The following UBA6 variants were observed in gnomAD, a reference collection of about 807,000 sequenced individuals.
The protein encoded by UBA6 is ubiquitin like modifier activating enzyme 6.
Under a neutral mutation model 148.3 loss-of-function variants are expected in UBA6, and 87 were observed. That is an observed-to-expected ratio of 0.59 (90% CI 0.49 to 0.70). The LOEUF is 0.70. Among genes scored for constraint, UBA6 ranks in the 30% least tolerant of loss-of-function variants. The probability of loss-of-function intolerance (pLI) is 0.00; values close to 1 mark genes in which losing one functional copy is unlikely to be tolerated. For synonymous variants in UBA6, 376 were observed against 401.0 expected, an observed-to-expected ratio of 0.94 and a Z score of 0.75; for missense variants, 1,186 against 1,241.2, an observed-to-expected ratio of 0.96 and a Z score of 0.67.
rs1295503183 is a variant in UBA6, at chr4:67,618,911, T to G, written c.*86A>C. 3 of 1,344,526 alleles carry G rather than the reference T, an allele frequency of 2.2e-6. No individual in the cohort carries two copies. Among genetic ancestry groups the G allele is most frequent in the Non-Finnish European group, 3.1e-6 (3 of 967,222 alleles). 83.3% of individuals were successfully genotyped at this position (1,344,526 alleles called of 1,614,324 possible). On this transcript the variant is annotated 3_prime_UTR_variant, in exon 33 of 33. Transcript: ENST00000322244. Reference sequence around the variant, plus strand: ...CTTAATGAAAGAGAAATCCATAGTATTATGAACTGATTTTCTTTAGCTTCT... The same window carrying G: ...CTTAATGAAAGAGAAATCCATAGTAGTATGAACTGATTTTCTTTAGCTTCT...
chr4:67,644,665 T>C (rs775426449), intron 17 of UBA6, 33 bp downstream of exon 17: 18 of 1,250,126 alleles, frequency 1.4e-5, no homozygotes, highest in Non-Finnish European at 2.0e-5. Flanking sequence ...AACAGAAATA[T>C]AAACTTTTAA....
chr4:67,623,905 T>G (rs1728807164), intron 30 of UBA6, among the ~76,000 whole-genome samples: 1 of 152,104 alleles, frequency 6.6e-6, no homozygotes, highest in South Asian at 2.1e-4. Context: ...GAAACCATAA[T>G]GCCAAATAAT....
chr4:67,675,995 C>T (rs908596865), intron 6 of UBA6, among the ~76,000 whole-genome samples: 2 of 149,804 alleles, frequency 1.3e-5, no homozygotes, highest in Non-Finnish European at 3.0e-5. Flanking sequence ...TAGGGTATGG[C>T]CATTATGGCC....
In UBA6 at chr4:67,633,436, T is replaced by A. The variant is rs765492158; in HGVS notation, c.2051A>T (p.Gln684Leu). The change falls in exon 23 of 33, where the codon CAA becomes CTA. Residue 684 changes from glutamine (Q) to leucine (L), a missense_variant. Physicochemically the swap from Gln to Leu is moderately radical, Grantham distance 113. Transcript: ENST00000322244. ...QSGHSLEGCF[Q>L]VIKLLSRRPR... ...TCTTCTGCTAAGTAACTTTATAACT[T>A]GAAAACAGCCTTCTAAACTGTGTCC... The A allele has an allele frequency of 3.7e-6, 6 of 1,610,396 alleles. No individual in the cohort carries two copies. In the East Asian group the frequency reaches 1.3e-4, roughly 36 times the overall value.
intron 2 of UBA6, among the ~76,000 whole-genome samples, chr4:67,690,407 A>G (rs536923496): frequency 1.5e-4 from 23 of 152,264 alleles, no homozygotes; most frequent in Non-Finnish European, 2.9e-4. Context: ...GATTTCCTGG[A>G]TAACACCAAA....
chr4:67,697,047 CGAGACT>C (rs1426503683), intron 1 of UBA6, among the ~76,000 whole-genome samples: 4 of 151,920 alleles, frequency 2.6e-5, no homozygotes, highest in Non-Finnish European at 5.9e-5. Context: ...ACTCTGTTAC[CGAGACT>C]GGAGTGCAGA....
At chr4:67,659,802 T>A (rs1729804814) in intron 13 of UBA6, among the ~76,000 whole-genome samples, 1 of 151,908 alleles carries the variant, frequency 6.6e-6, no homozygotes, top group African/African-American at 2.4e-5. Flanking sequence ...AAGGAAGATG[T>A]GGGAAAGTTT....
At position 67,660,760 on chromosome 4, in the gene UBA6, T is replaced by C. The variant is rs1482533377; in HGVS notation, c.1104+1429A>G. On this transcript the variant is annotated intron_variant, in intron 13 of 32. Transcript: ENST00000322244. ...GTCCTCCAGATCCCGGAATGGTAGA[T>C]CCAACGAAAGCTTGGACCATGAATC... is the stretch of plus-strand genomic sequence containing the variant. 2.6e-5 allele frequency among the ~76,000 whole-genome samples: 4 copies of C among 152,216 alleles called. No homozygotes were observed. In the East Asian group the frequency reaches 7.7e-4, roughly 29 times the overall value.
intron 2 of UBA6, among the ~76,000 whole-genome samples, chr4:67,695,934 T>C (rs997805680): frequency 6.6e-6 from 1 of 152,140 alleles, no homozygotes; most frequent in Non-Finnish European, 1.5e-5. Flanking sequence ...TGAAAAAGTA[T>C]AGTTTAAAAA....
At position 67,638,890 on chromosome 4, in the gene UBA6, C is replaced by A. The variant is rs1008768889; in HGVS notation, c.1736+53G>T. On this transcript the variant is annotated intron_variant, in intron 19 of 32. Transcript: ENST00000322244. Reference sequence around the variant, plus strand: ...ACTTTTCAATAAGTAATGTGGGAAACAGAAGTGAAAACTAAAGACAATTCT... The same window carrying A: ...ACTTTTCAATAAGTAATGTGGGAAAAAGAAGTGAAAACTAAAGACAATTCT... 9.6e-6 allele frequency: 13 copies of A among 1,350,364 alleles called. No individual in the cohort carries two copies. In the African/African-American group the frequency reaches 1.5e-4, roughly 15 times the overall value. The allele number at this position is 1,350,364 out of a possible 1,614,324, so 83.6% of individuals were successfully genotyped here. A position where few individuals can be genotyped will look rare whatever the true frequency, so the allele number is the denominator to read the frequency against.
intron 26 of UBA6, among the ~76,000 whole-genome samples, chr4:67,630,067 A>G (rs1728960004): frequency 6.6e-6 from 1 of 151,956 alleles, no homozygotes; most frequent in Admixed American, 6.5e-5. Flanking sequence ...AAAAGCACAT[A>G]AATTATCACA....
chr4:67,624,094 A>G (rs772197795), intron 30 of UBA6, 32 bp downstream of exon 30: 4 of 1,491,144 alleles, frequency 2.7e-6, no homozygotes, highest in Non-Finnish European at 3.6e-6. Context: ...TTTCATTCTC[A>G]TTATACAAGA....
chr4:67,639,628 A>G (rs1249583181), intron 18 of UBA6, among the ~76,000 whole-genome samples: 3 of 152,134 alleles, frequency 2.0e-5, no homozygotes, highest in African/African-American at 7.2e-5. Flanking sequence ...TTTATAAAAA[A>G]CAGTCCAGTA....
chr4:67,653,370 G>A (rs985007783), intron 13 of UBA6, among the ~76,000 whole-genome samples: 8 of 152,294 alleles, frequency 5.3e-5, no homozygotes, highest in African/African-American at 9.6e-5. Context: ...TGCAGCCTCC[G>A]CTGGTGATAC....
intron 2 of UBA6, among the ~76,000 whole-genome samples, chr4:67,684,754 C>T (rs1730518288): frequency 6.6e-6 from 1 of 152,214 alleles, no homozygotes; most frequent in South Asian, 2.1e-4. Context: ...AAATCTTCCA[C>T]TACAACCATA....
At chr4:67,634,210 T>G (rs767468693) in intron 22 of UBA6, 32 bp downstream of exon 22, 3 of 1,430,208 alleles carry the variant, frequency 2.1e-6, no homozygotes, top group African/African-American at 2.9e-5. Context: ...ACACAAAGTG[T>G]TAAGTTTGTA....
rs1728641713 is a variant in UBA6 at position 67,617,077 on chromosome 4, T to C, written c.*1920A>G. Reference sequence around the variant, plus strand: ...ATCACAAAATGAACTTAATTTTTGTTGATTTTGTTTTATCTGCTAAAACAC... The same window carrying C: ...ATCACAAAATGAACTTAATTTTTGTCGATTTTGTTTTATCTGCTAAAACAC... On this transcript the variant is annotated 3_prime_UTR_variant, in exon 33 of 33. Coordinates refer to ENST00000322244, the MANE Select transcript of UBA6 (RefSeq NM_018227.6). The C allele has an allele frequency of 6.6e-6, 1 of 152,130 alleles. No homozygotes were observed. Among genetic ancestry groups the C allele is most frequent in the African/African-American group, 2.4e-5 (1 of 41,456 alleles). 9.4% of individuals were successfully genotyped at this position (152,130 alleles called of 1,614,324 possible). A position where few individuals can be genotyped will look rare whatever the true frequency, so the allele number is the denominator to read the frequency against.
intron 9 of UBA6, among the ~76,000 whole-genome samples, chr4:67,667,050 C>T (rs1730017020): frequency 6.6e-6 from 1 of 152,144 alleles, no homozygotes; most frequent in South Asian, 2.1e-4. Flanking sequence ...GAATTTTTGG[C>T]ACAAAATGTG....
chr4:67,641,899 G>A (rs116514618), intron 17 of UBA6, among the ~76,000 whole-genome samples: 1,923 of 152,166 alleles, frequency 0.013, 41 homozygotes, highest in African/African-American at 0.042. Flanking sequence ...GTAAACTCAA[G>A]ATCATCTGAA....
Sources: allele counts gnomAD v4.1 joint callset (sites outside exome capture counted in the v4.1 genomes callset), GRCh38; gene constraint gnomAD v4.1.1; transcripts MANE v1.5; gene names NCBI Gene and HGNC (gene_info 2026-07-23, HGNC 2026-07-21).